The following SDK2 variants were observed in gnomAD, a reference collection of about 807,000 sequenced individuals.
SDK2 encodes protein sidekick-2.
In SDK2, 105 loss-of-function variants were observed where a neutral mutation model predicts 253.9. The observed-to-expected ratio is 0.41, with a 90% CI of 0.35 to 0.49. The LOEUF is 0.49. SDK2 is among the 20% of genes least tolerant of loss of function. SDK2 has a pLI of 0.06. For synonymous variants in SDK2, 1,249 were observed against 1,234.9 expected (o/e 1.01, Z -0.24); for missense variants, 2,608 against 3,003.0 (o/e 0.87, Z 3.07).
At chr17:73,426,794 T>C (rs939340222) in intron 12 of SDK2, among the ~76,000 whole-genome samples, 1 of 152,118 alleles carries the variant, frequency 6.6e-6, no homozygotes, top group African/African-American at 2.4e-5. Flanking sequence ...ATGTAAGAAA[T>C]AGCCTATGGG....
At chr17:73,416,049 C>T in intron 16 of SDK2, 57 bp from the exon 17 acceptor site, 11 of 1,508,800 alleles carry the variant, frequency 7.3e-6, no homozygotes, top group African/African-American at 1.4e-5. Context: ...GGCCTCGTAC[C>T]CAGGAAATTG....
rs140473608 is a variant in SDK2, at chr17:73,422,291, C to T, written c.2041G>A (p.Glu681Lys). 1.5e-5 allele frequency: 24 copies of T among 1,613,774 alleles called. No individual in the cohort carries two copies. Among genetic ancestry groups the T allele is most frequent in the African/African-American group, 5.3e-5 (4 of 75,046 alleles). ...VGKGQFSKDTERVSLPEEPPT... is the reference protein window; with the variant it reads ...VGKGQFSKDTKRVSLPEEPPT... ...GTAGAGCGCCAGTGCCCTCACCTCTCGGTGTCTTTGCTGAACTGTCCTTTC... is the reference window on the plus strand; with the variant it reads ...GTAGAGCGCCAGTGCCCTCACCTCTTGGTGTCTTTGCTGAACTGTCCTTTC... The change falls in exon 15 of 45, where the codon GAG becomes AAG. Residue 681 changes from glutamate (E) to lysine (K), a missense_variant. Coordinates refer to ENST00000392650, the MANE Select transcript of SDK2 (RefSeq NM_001144952.2).
chr17:73,357,904 C>T, intron 40 of SDK2, 175 bp downstream of exon 40: 1 of 990,442 alleles, frequency 1.0e-6, no homozygotes, highest in South Asian at 1.3e-5. Context: ...AGGAGTCCAG[C>T]TCTAGGAGCC....
At chr17:73,433,579 G>A (rs543487930) in intron 10 of SDK2, among the ~76,000 whole-genome samples, 153 bp downstream of exon 10, 69 of 152,244 alleles carry the variant, frequency 4.5e-4, no homozygotes, top group Admixed American at 3.9e-3. Context: ...ATGAGCCACC[G>A]CGCCCGGCCG....
At chr17:73,564,286 G>C (rs925153940) in intron 1 of SDK2, among the ~76,000 whole-genome samples, 1 of 152,166 alleles carries the variant, frequency 6.6e-6, no homozygotes, top group Non-Finnish European at 1.5e-5. Flanking sequence ...ACCATGTTGG[G>C]CAGCACAGAC....
At chr17:73,539,419 C>T (rs2044829803) in intron 1 of SDK2, among the ~76,000 whole-genome samples, 2 of 151,050 alleles carry the variant, frequency 1.3e-5, no homozygotes, top group South Asian at 4.2e-4. Context: ...CAGCCCTGCT[C>T]GGCTCAGCAC....
At chr17:73,597,189 C>T (rs1280842290) in intron 1 of SDK2, among the ~76,000 whole-genome samples, 1 of 152,162 alleles carries the variant, frequency 6.6e-6, no homozygotes, top group Non-Finnish European at 1.5e-5. Context: ...TCTCCTTCAC[C>T]TCACCGGGGC....
intron 1 of SDK2, among the ~76,000 whole-genome samples, chr17:73,512,629 A>G (rs1389226089): frequency 1.3e-5 from 2 of 152,198 alleles, no homozygotes; most frequent in Non-Finnish European, 2.9e-5. Flanking sequence ...GTTCACATCA[A>G]AACAACAACC....
rs1021845481 is a variant in SDK2 at position 73,390,495 on chromosome 17, G to A, written c.3998-14C>T. ...TGATCTGGTAAGCTGTGGGAAGGAA[G>A]CACATGGCTATTATGGCAAGCAAGG... On this transcript the variant is annotated splice_polypyrimidine_tract_variant and intron_variant, in intron 28 of 44. Transcript: ENST00000392650. 6.2e-7 allele frequency: 1 copy of A among 1,602,078 alleles called. No homozygotes were observed.
At chr17:73,630,870 AGCACACC>A (rs998844413) in intron 1 of SDK2, among the ~76,000 whole-genome samples, 140 of 151,240 alleles carry the variant, frequency 9.3e-4, no homozygotes, top group South Asian at 2.1e-3. Context: ...GCAACCCCTC[AGCACACC>A]GCCCCTCCCT....
chr17:73,492,967 A>C (rs1001321079), intron 2 of SDK2, among the ~76,000 whole-genome samples: 1 of 152,228 alleles, frequency 6.6e-6, no homozygotes, highest in Admixed American at 6.5e-5. Flanking sequence ...GCTGAGAGCC[A>C]AGGCCGGGCG....
At chr17:73,607,972 C>G (rs2045928442) in intron 1 of SDK2, among the ~76,000 whole-genome samples, 1 of 151,918 alleles carries the variant, frequency 6.6e-6, no homozygotes, top group Non-Finnish European at 1.5e-5. Context: ...TTGTTAACAT[C>G]TTGCACACTA....
At chr17:73,387,681 G>C (rs1316324696) in intron 30 of SDK2, among the ~76,000 whole-genome samples, 155 bp downstream of exon 30, 1 of 152,232 alleles carries the variant, frequency 6.6e-6, no homozygotes, top group Non-Finnish European at 1.5e-5. Flanking sequence ...GCGAGGGTGA[G>C]AGTGGACGCG....
At position 73,629,691 on chromosome 17, in the gene SDK2, G is replaced by T. The variant is rs2046244966; in HGVS notation, c.64+14334C>A. On this transcript the variant is annotated intron_variant, in intron 1 of 44. Transcript: ENST00000392650. The surrounding 1 kb of genome is among the most constrained non-coding windows in gnomAD (Gnocchi z 5.0). Reference sequence around the variant, plus strand: ...ACCTGTCCTATAGTACCAACCACAGGCTTGCTGCCTTCACTTGACCGTGAG... The same window carrying T: ...ACCTGTCCTATAGTACCAACCACAGTCTTGCTGCCTTCACTTGACCGTGAG... Among the ~76,000 whole-genome samples, 1 of 152,104 alleles carries T rather than the reference G, an allele frequency of 6.6e-6. No homozygotes were observed. Among genetic ancestry groups the T allele is most frequent in the African/African-American group, 2.4e-5 (1 of 41,388 alleles).
In SDK2 at chr17:73,390,409, G is replaced by A. The variant is rs375846266; in HGVS notation, c.4070C>T (p.Ala1357Val). ...GAGGCCCGTGGCTGTGTACTGCCGGGCGCTGGGTGCCAGCACCTCCACAGT... is the reference window on the plus strand; with the variant it reads ...GAGGCCCGTGGCTGTGTACTGCCGGACGCTGGGTGCCAGCACCTCCACAGT... ...TATVEVLAPSARQYTATGLKP... is the reference protein window; with the variant it reads ...TATVEVLAPSVRQYTATGLKP... Residue 1357 changes from alanine (A) to valine (V), a missense_variant, in exon 29 of 45, where the codon GCC becomes GTC. Ala to Val is a moderately conservative substitution (Grantham distance 64). Transcript: ENST00000392650. 6.8e-6 allele frequency: 11 copies of A among 1,612,782 alleles called. No individual in the cohort carries two copies. The African/African-American group carries it at 1.1e-4, about 16-fold the overall frequency.
chr17:73,411,970 G>GTA (rs1244015937), intron 18 of SDK2, among the ~76,000 whole-genome samples: 7 of 748 alleles, frequency 9.4e-3, no homozygotes, highest in Non-Finnish European at 0.045. Context: ...ATATATATAC[G>GTA]TATATATATA....
At chr17:73,436,873 G>A (rs1193261914) in intron 8 of SDK2, among the ~76,000 whole-genome samples, 1 of 152,034 alleles carries the variant, frequency 6.6e-6, no homozygotes, top group Non-Finnish European at 1.5e-5. Flanking sequence ...TACAACCCAT[G>A]GCATTTTAGA....
intron 5 of SDK2, among the ~76,000 whole-genome samples, chr17:73,441,202 C>T (rs1265289783): frequency 6.6e-6 from 1 of 150,416 alleles, no homozygotes; most frequent in Non-Finnish European, 1.5e-5. Context: ...ACCCCCCTCT[C>T]CCCACCACCA....
chr17:73,418,862 C>T (rs1488022442), intron 16 of SDK2, among the ~76,000 whole-genome samples: 2 of 152,132 alleles, frequency 1.3e-5, no homozygotes, highest in South Asian at 2.1e-4. Flanking sequence ...CTTCCCAGAG[C>T]GTTGCCCCTT....
Sources: gnomAD v4.1 joint callset for allele counts (sites outside exome capture counted in the v4.1 genomes callset) on GRCh38, gnomAD v4.1.1 for gene constraint, Gnocchi (gnomAD v3.1) non-coding constraint, MANE v1.5 for transcripts, NCBI Gene and HGNC (gene_info 2026-07-23, HGNC 2026-07-21) for gene names.